The following ZNF675 variants were observed in gnomAD, a reference collection of about 807,000 sequenced individuals.
ZNF675 encodes the protein zinc finger protein 675, also known as TRAF6 inhibitory zinc finger.
Under a neutral mutation model 56.1 loss-of-function variants are expected in ZNF675, and 36 were observed. The observed-to-expected ratio is 0.64, with a 90% CI of 0.49 to 0.85. The LOEUF (loss-of-function observed/expected upper bound fraction) is 0.85, where lower values mean the gene tolerates loss of function less well. ZNF675 is among the 40% of genes least tolerant of loss of function. ZNF675 has a pLI of 0.00. For missense variants in ZNF675, 663 were observed against 654.2 expected (o/e 1.01, Z -0.15); for synonymous variants, 200 against 218.9 (o/e 0.91, Z 0.76).
intron 1 of ZNF675, among the ~76,000 whole-genome samples, chr19:23,665,361 C>T (rs1014537657): frequency 1.4e-5 from 2 of 140,062 alleles, no homozygotes; most frequent in African/African-American, 5.3e-5. Flanking sequence ...AAAATCAAAC[C>T]TGGGCTGAAA....
rs8104776 is a variant in ZNF675 at position 23,669,969 on chromosome 19, C to T, written c.4-6811G>A. ...GTCAGAGCCATCTGACAGACTAAGT[C>T]TGGGGCCTAAAGAGGGGATGTTCCC... On this transcript the variant is annotated intron_variant, in intron 1 of 3. Transcript: ENST00000359788. Among the ~76,000 whole-genome samples the T allele has an allele frequency of 4.2e-3, 637 of 152,206 alleles. 32 individuals are homozygous for T. In the East Asian group the frequency reaches 0.11, roughly 25 times the overall value.
At position 23,685,909 on chromosome 19, in the gene ZNF675, C is replaced by T. The variant is rs1247611703; in HGVS notation, c.3+1122G>A. On this transcript the variant is annotated intron_variant, in intron 1 of 3. Coordinates refer to ENST00000359788, the MANE Select transcript of ZNF675 (RefSeq NM_138330.3). ...GTGAAAAATGCAGGGGAAAATCAGT[C>T]TCCTGTGGAGTGTGAAAATAACTAA... 2.6e-5 allele frequency among the ~76,000 whole-genome samples: 4 copies of T among 152,130 alleles called. No homozygotes were observed. The South Asian group carries it at 6.2e-4, about 24-fold the overall frequency.
intron 1 of ZNF675, among the ~76,000 whole-genome samples, chr19:23,676,910 T>C (rs1463402474): frequency 6.6e-6 from 1 of 151,134 alleles, no homozygotes; most frequent in African/African-American, 2.5e-5. Flanking sequence ...CCGTCTCTAC[T>C]AAAAATACAA....
At position 23,652,919 on chromosome 19, in the gene ZNF675, G is replaced by T; in HGVS notation, c.*307C>A. Reference sequence around the variant, plus strand: ...TTTAGACAGTAATTGCATTTATAATGCTTTTATTAAGTACCAACATTCTGA... The same window carrying T: ...TTTAGACAGTAATTGCATTTATAATTCTTTTATTAAGTACCAACATTCTGA... On this transcript the variant is annotated 3_prime_UTR_variant, in exon 4 of 4. Coordinates refer to ENST00000359788, the MANE Select transcript of ZNF675 (RefSeq NM_138330.3). The T allele has an allele frequency of 9.5e-6, 2 of 210,114 alleles. No homozygotes were observed. Among genetic ancestry groups the T allele is most frequent in the Non-Finnish European group, 1.9e-5 (2 of 104,958 alleles). The allele number at this position is 210,114 out of a possible 1,614,324, so 13.0% of individuals were successfully genotyped here. A position where few individuals can be genotyped will look rare whatever the true frequency, so the allele number is the denominator to read the frequency against.
intron 2 of ZNF675, 33 bp downstream of exon 2, chr19:23,662,999 A>G: frequency 2.0e-6 from 3 of 1,538,446 alleles, no homozygotes; most frequent in Non-Finnish European, 1.7e-6. Flanking sequence ...AAAACAAAAA[A>G]AAAAAGAAAC....
At chr19:23,661,291 G>T (rs949353330) in intron 3 of ZNF675, among the ~76,000 whole-genome samples, 1 of 151,898 alleles carries the variant, frequency 6.6e-6, no homozygotes, top group African/African-American at 2.4e-5. Flanking sequence ...GATTACAGGC[G>T]TGAGCCACCG....
Position 23,653,952 on chromosome 19 carries a change from A to G in ZNF675, c.981T>C (p.Leu327=), listed in dbSNP as rs1253781616. 6.2e-7 allele frequency: 1 copy of G among 1,613,504 alleles called. No individual in the cohort carries two copies. The highest frequency in any genetic ancestry group is 1.1e-5 in the South Asian group (1 of 91,072). The part of the protein sequence containing the change: ...CGKAFTQSST[L]TTHKRIHTGE... Reference sequence around the variant, plus strand: ...CAGTATGAATTCTCTTATGTGTAGTAAGGGTTGAGGATTGGGTAAAAGCCT... The same window carrying G: ...CAGTATGAATTCTCTTATGTGTAGTGAGGGTTGAGGATTGGGTAAAAGCCT... The change falls in exon 4 of 4, where the codon CTT becomes CTC. Residue 327 remains leucine, a synonymous_variant. Coordinates refer to ENST00000359788, the MANE Select transcript of ZNF675 (RefSeq NM_138330.3).
intron 1 of ZNF675, among the ~76,000 whole-genome samples, chr19:23,666,681 T>C (rs1052695415): frequency 6.6e-6 from 1 of 151,262 alleles, no homozygotes; most frequent in African/African-American, 2.4e-5. Context: ...TGGTAACTTA[T>C]TTTGGTGAGC....
At chr19:23,668,008 T>C (rs1223010861) in intron 1 of ZNF675, among the ~76,000 whole-genome samples, 90 of 107,772 alleles carry the variant, frequency 8.4e-4, no homozygotes, top group East Asian at 3.0e-3. Flanking sequence ...GGTGCACTCA[T>C]AAACCCTGAG....
intron 3 of ZNF675, among the ~76,000 whole-genome samples, chr19:23,658,966 T>C (rs1297459482): frequency 7.2e-6 from 1 of 138,134 alleles, no homozygotes. Flanking sequence ...GATCTATAGA[T>C]AGATATAGAT....
intron 1 of ZNF675, among the ~76,000 whole-genome samples, chr19:23,682,564 C>T (rs1053627054): frequency 1.3e-4 from 20 of 151,922 alleles, no homozygotes; most frequent in Middle Eastern, 3.4e-3. Flanking sequence ...TCAAGCTTCT[C>T]TCAGGATAAA....
In ZNF675 at chr19:23,654,064, C is replaced by A. The variant is rs755480438; in HGVS notation, c.869G>T (p.Gly290Val). ...GEKPYKCEECGKAFNQFSNLT... is the reference protein window; with the variant it reads ...GEKPYKCEECVKAFNQFSNLT... ...ATTTGAGAACTGGTTAAAGGCTTTG[C>A]CACATTCTTCACATTTGTAGGGTTT... The change falls in exon 4 of 4, where the codon GGC becomes GTC. Residue 290 changes from glycine to valine, a missense_variant. Gly to Val is a moderately radical substitution (Grantham distance 109). Transcript: ENST00000359788. The A allele has an allele frequency of 1.4e-5, 23 of 1,613,552 alleles. No individual in the cohort carries two copies. The highest frequency in any genetic ancestry group is 1.7e-5 in the Non-Finnish European group (20 of 1,179,988).
At chr19:23,672,925 C>T (rs1968245007) in intron 1 of ZNF675, among the ~76,000 whole-genome samples, 1 of 152,144 alleles carries the variant, frequency 6.6e-6, no homozygotes, top group African/African-American at 2.4e-5. Flanking sequence ...GAAACTCTTA[C>T]TTACAGGAAT....
intron 2 of ZNF675, among the ~76,000 whole-genome samples, 190 bp downstream of exon 2, chr19:23,662,842 G>A (rs938141060): frequency 6.6e-6 from 1 of 152,108 alleles, no homozygotes; most frequent in Non-Finnish European, 1.5e-5. Flanking sequence ...AAATTAGCTA[G>A]GCATGGTGGC....
In ZNF675 at chr19:23,669,342, CCTT is replaced by C. The variant is rs1432068982; in HGVS notation, c.4-6187_4-6185del. Among the ~76,000 whole-genome samples the C allele has an allele frequency of 6.6e-5, 10 of 152,224 alleles. 1 individual carries two copies. The South Asian group carries it at 1.2e-3, about 19-fold the overall frequency. ...AATCACATGTTTCAGGTGACTTAAA[CCTT>C]CTTTTCTTTTCTTATGCTAAATTCT... On this transcript the variant is annotated intron_variant, in intron 1 of 3. Coordinates refer to ENST00000359788, the MANE Select transcript of ZNF675 (RefSeq NM_138330.3).
chr19:23,672,526 T>C (rs1468641837), intron 1 of ZNF675, among the ~76,000 whole-genome samples: 1 of 152,196 alleles, frequency 6.6e-6, no homozygotes. Context: ...CCCCGTATGT[T>C]TTCTGTACAT....
chr19:23,687,155 G>T lies in ZNF675; in HGVS notation c.-122C>A. On this transcript the variant is annotated 5_prime_UTR_variant, in exon 1 of 4. Coordinates refer to ENST00000359788, the MANE Select transcript of ZNF675 (RefSeq NM_138330.3). ...CACAGAGCAATGAAAGCGAGACCTGGAGCTCCGGCTGCAGCGAGAGACAAA... is the reference window on the plus strand; with the variant it reads ...CACAGAGCAATGAAAGCGAGACCTGTAGCTCCGGCTGCAGCGAGAGACAAA... 1 of 1,223,946 alleles carries T rather than the reference G, an allele frequency of 8.2e-7. No individual in the cohort carries two copies. Among genetic ancestry groups the T allele is most frequent in the Non-Finnish European group, 1.2e-6 (1 of 843,242 alleles). The allele number at this position is 1,223,946 out of a possible 1,614,324, so 75.8% of individuals were successfully genotyped here. A position where few individuals can be genotyped will look rare whatever the true frequency, so the allele number is the denominator to read the frequency against.
intron 3 of ZNF675, among the ~76,000 whole-genome samples, chr19:23,658,949 C>T (rs1363011359): frequency 2.8e-4 from 4 of 14,142 alleles, no homozygotes; most frequent in Non-Finnish European, 1.1e-3. Context: ...AGATATAGAT[C>T]TCTAGAGATC....
chr19:23,665,355 T>A (rs1252492449), intron 1 of ZNF675, among the ~76,000 whole-genome samples: 5 of 80,000 alleles, frequency 6.3e-5, no homozygotes, highest in East Asian at 4.5e-4. Context: ...AAAAAAAAAA[T>A]CAAACCTGGG....
Sources: gnomAD v4.1 joint callset for allele counts (sites outside exome capture counted in the v4.1 genomes callset) on GRCh38, gnomAD v4.1.1 for gene constraint, MANE v1.5 for transcripts, NCBI Gene and HGNC (gene_info 2026-07-23, HGNC 2026-07-21) for gene names.